The following GREB1 variants were observed in gnomAD, a reference collection of about 807,000 sequenced individuals.
GREB1 encodes protein GREB1.
Under a neutral mutation model 200.7 loss-of-function variants are expected in GREB1, and 106 were observed. That is an observed-to-expected ratio of 0.53 (90% CI 0.45 to 0.62). The LOEUF (loss-of-function observed/expected upper bound fraction) is 0.62. Among genes scored for constraint, GREB1 ranks in the 20% least tolerant of loss-of-function variants. GREB1 has a pLI of 0.00. For synonymous variants in GREB1, 1,132 were observed against 1,092.4 expected (o/e 1.04, Z -0.72); for missense variants, 2,243 against 2,556.8 (o/e 0.88, Z 2.65).
Position 11,596,836 on chromosome 2 carries a change from AG to A in GREB1, c.1954+602del, listed in dbSNP as rs549280069. Among the ~76,000 whole-genome samples the A allele has an allele frequency of 2.3e-3, 185 of 79,000 alleles. 1 individual carries two copies. Among genetic ancestry groups the A allele is most frequent in the Middle Eastern group, 0.011 (1 of 94 alleles). The allele number at this position is 79,000 out of a possible 152,430, so 51.8% of individuals were successfully genotyped here. Reference sequence around the variant, plus strand: ...CAGGATTGCAGGTGTGTACAGTGAAAGGGGGCAGGGTCACTGGTGTGTACAG... The same window carrying A: ...CAGGATTGCAGGTGTGTACAGTGAAAGGGGCAGGGTCACTGGTGTGTACAG... On this transcript the variant is annotated intron_variant, in intron 13 of 32. Transcript: ENST00000381486.
chr2:11,521,316 C>T (rs888934423), intron 1 of GREB1, among the ~76,000 whole-genome samples: 5 of 151,990 alleles, frequency 3.3e-5, no homozygotes, highest in African/African-American at 1.2e-4. Context: ...CACAATGTTG[C>T]CCGGGCTGGT....
At chr2:11,552,600 C>G (rs997160821) in intron 1 of GREB1, among the ~76,000 whole-genome samples, 16 of 152,338 alleles carry the variant, frequency 1.1e-4, no homozygotes, top group Admixed American at 9.1e-4. Context: ...CTGGCCCAAA[C>G]CTTCCTCACC....
chr2:11,520,823 C>CT (rs1452387510), intron 1 of GREB1, among the ~76,000 whole-genome samples: 2 of 152,110 alleles, frequency 1.3e-5, no homozygotes, highest in Non-Finnish European at 2.9e-5. Context: ...AGGTGCCGGG[C>CT]TTTAGGGGGT....
In GREB1 at chr2:11,641,557, C is replaced by T. The variant is rs1440395083; in HGVS notation, c.*1103C>T. On this transcript the variant is annotated 3_prime_UTR_variant, in exon 33 of 33. Transcript: ENST00000381486. ...CTGGAGTGCAGTGGTGCGATCTCGG[C>T]TCACTGCAAGCTCCGCCTCCCGGGT... is the stretch of plus-strand genomic sequence containing the variant. The T allele has an allele frequency of 6.6e-6, 1 of 152,266 alleles. No homozygotes were observed. The highest frequency in any genetic ancestry group is 1.5e-5 in the Non-Finnish European group (1 of 68,138). The allele number at this position is 152,266 out of a possible 1,614,324, so 9.4% of individuals were successfully genotyped here.
At chr2:11,635,071 C>T (rs1180962855) in intron 29 of GREB1, among the ~76,000 whole-genome samples, 199 bp from the exon 30 acceptor site, 1 of 152,214 alleles carries the variant, frequency 6.6e-6, no homozygotes, top group Non-Finnish European at 1.5e-5. Flanking sequence ...GCAGAGATGG[C>T]CCTGTCTGTC....
chr2:11,633,711 C>T lies in GREB1; in HGVS notation c.4992-420C>T, dbSNP rs567358990. 5.9e-5 allele frequency among the ~76,000 whole-genome samples: 9 copies of T among 152,206 alleles called. No homozygotes were observed. The highest frequency in any genetic ancestry group is 7.2e-5 in the African/African-American group (3 of 41,528). On this transcript the variant is annotated intron_variant, in intron 28 of 32. Transcript: ENST00000381486. This position sits in a 1 kb window ranked among gnomAD's most constrained non-coding sequence, Gnocchi z 4.1. ...CTAAGCACATTCATTTAACCTACTC[C>T]GATATTAAGAAAGGGACATTGCTGC... is the stretch of plus-strand genomic sequence containing the variant.
At position 11,634,347 on chromosome 2, in the gene GREB1, C is replaced by A; in HGVS notation, c.5208C>A (p.Asn1736Lys). 6.2e-7 allele frequency: 1 copy of A among 1,611,770 alleles called. No homozygotes were observed. The highest frequency in any genetic ancestry group is 8.5e-7 in the Non-Finnish European group (1 of 1,178,368). The change falls in exon 29 of 33, where the codon AAC becomes AAA. Residue 1736 changes from asparagine to lysine, a missense_variant and splice_region_variant. This residue lies in a region of GREB1 where 478 missense variants were observed against 616.3 expected (regional missense o/e 0.78). Transcript: ENST00000381486. ...DLTQNVQYNQ[N>K]RFLCDDVDFN... Reference sequence around the variant, plus strand: ...CCCAGAACGTGCAGTACAACCAGAACCGGTGAGCTCCTGCACCTGGGGCAG... The same window carrying A: ...CCCAGAACGTGCAGTACAACCAGAAACGGTGAGCTCCTGCACCTGGGGCAG...
intron 1 of GREB1, among the ~76,000 whole-genome samples, chr2:11,522,091 A>G (rs1444811991): frequency 1.3e-5 from 2 of 152,186 alleles, no homozygotes; most frequent in African/African-American, 2.4e-5. Context: ...GCATCTGTCT[A>G]TCTGTCTGGC....
chr2:11,518,877 T>A (rs990306684), intron 1 of GREB1, among the ~76,000 whole-genome samples: 1 of 151,930 alleles, frequency 6.6e-6, no homozygotes, highest in African/African-American at 2.4e-5. Flanking sequence ...GGCGGGTGGA[T>A]CACGAGGTCA....
chr2:11,518,327 A>G (rs1410968582), intron 1 of GREB1, among the ~76,000 whole-genome samples: 1 of 152,138 alleles, frequency 6.6e-6, no homozygotes, highest in Admixed American at 6.5e-5. Context: ...TGCTCATTTA[A>G]AGGTATTTTG....
chr2:11,593,212 T>G, intron 11 of GREB1, 86 bp downstream of exon 11: 1 of 969,984 alleles, frequency 1.0e-6, no homozygotes, highest in Non-Finnish European at 1.5e-6. Context: ...CCTTTCTGTC[T>G]AGGGTGGCCC....
chr2:11,539,313 A>T (rs1674552165), intron 1 of GREB1, among the ~76,000 whole-genome samples: 1 of 150,294 alleles, frequency 6.7e-6, no homozygotes, highest in Non-Finnish European at 1.5e-5. Flanking sequence ...GGCCTCCCAC[A>T]GTGCTGGGAT....
rs1259742576 is a variant in GREB1 at position 11,616,647 on chromosome 2, G to T, written c.3339G>T (p.Lys1113Asn). 8 of 1,610,420 alleles carry T rather than the reference G, an allele frequency of 5.0e-6. No homozygotes were observed. The highest frequency in any genetic ancestry group is 6.8e-6 in the Non-Finnish European group (8 of 1,176,726). Residue 1113 changes from lysine (K) to asparagine (N), a missense_variant, in exon 21 of 33, where the codon AAG becomes AAT. By Grantham distance (94) the Lys-to-Asn change is moderately conservative (BLOSUM62 0). Coordinates refer to ENST00000381486, the MANE Select transcript of GREB1 (RefSeq NM_014668.4). ...TTGGAACAGGCTCTACCTCGGAGAA[G>T]AGAAGCCCCATGAAAAGGGAGAGGT... is the stretch of plus-strand genomic sequence containing the variant. ...ELGTEGSTSE[K>N]RSPMKRERSR...
chr2:11,598,487 G>A (rs892576154), intron 14 of GREB1, among the ~76,000 whole-genome samples, 193 bp from the exon 15 acceptor site: 32 of 152,236 alleles, frequency 2.1e-4, no homozygotes, highest in Admixed American at 2.0e-4. Flanking sequence ...GCTTGCCTGC[G>A]CCCCAGCTCC....
At chr2:11,505,377 T>C (rs1464629807) in intron 1 of GREB1, among the ~76,000 whole-genome samples, 1 of 152,198 alleles carries the variant, frequency 6.6e-6, no homozygotes, top group Non-Finnish European at 1.5e-5. Context: ...CATTCTGTCA[T>C]GGTGCCTGCC....
At chr2:11,586,023 C>T (rs1420782649) in intron 9 of GREB1, 118 bp downstream of exon 9, 2 of 1,034,770 alleles carry the variant, frequency 1.9e-6, no homozygotes, top group East Asian at 4.9e-5. Flanking sequence ...CTGAGACAAA[C>T]CTAAAATGCT....
chr2:11,620,188 G>T (rs910316995), intron 22 of GREB1, among the ~76,000 whole-genome samples: 3 of 152,102 alleles, frequency 2.0e-5, no homozygotes, highest in African/African-American at 7.2e-5. Context: ...TGTTGGCCAG[G>T]ATGGTCTGGA....
intron 1 of GREB1, among the ~76,000 whole-genome samples, chr2:11,551,237 T>C (rs773403151): frequency 6.6e-6 from 1 of 152,228 alleles, no homozygotes; most frequent in Non-Finnish European, 1.5e-5. Flanking sequence ...GAGGTTGATA[T>C]GGTGAAACAA....
upstream of GREB1, among the ~76,000 whole-genome samples, chr2:11,531,089 C>T (rs1674056619): frequency 6.6e-6 from 1 of 152,178 alleles, no homozygotes; most frequent in East Asian, 1.9e-4. Context: ...GGGCAGGTGC[C>T]CTGGCTGCTT....
Sources: allele counts gnomAD v4.1 joint callset (sites outside exome capture counted in the v4.1 genomes callset), GRCh38; gene constraint gnomAD v4.1.1; regional missense constraint gnomAD v4.1.1; non-coding constraint Gnocchi (gnomAD v3.1); transcripts MANE v1.5; gene names NCBI Gene and HGNC (gene_info 2026-07-23, HGNC 2026-07-21).